PACSIN2: variants seen among roughly 807,000 people sequenced by gnomAD.
PACSIN2 encodes protein kinase C and casein kinase substrate in neurons 2.
PACSIN2 carries 25 observed loss-of-function variants against 63.8 expected under a neutral mutation model. The observed-to-expected ratio is 0.39, with a 90% CI of 0.29 to 0.55. The LOEUF is 0.55. Among genes scored for constraint, PACSIN2 ranks in the 20% least tolerant of loss-of-function variants. The pLI is 0.62. For synonymous variants in PACSIN2, 255 were observed against 256.2 expected (o/e 1.00, Z 0.05); for missense variants, 518 against 646.9 (o/e 0.80, Z 2.16).
chr22:42,984,952 G>A (rs776581686), intron 1 of PACSIN2, among the ~76,000 whole-genome samples: 2 of 152,218 alleles, frequency 1.3e-5, no homozygotes, highest in African/African-American at 2.4e-5. Flanking sequence ...AAACCCTAGA[G>A]ATGGATATAT....
At chr22:42,924,035 T>G (rs1368744168) in intron 1 of PACSIN2, among the ~76,000 whole-genome samples, 1 of 149,124 alleles carries the variant, frequency 6.7e-6, no homozygotes, top group African/African-American at 2.5e-5. Context: ...AAGCGAGACC[T>G]GGTCTCTTTA....
intron 1 of PACSIN2, among the ~76,000 whole-genome samples, chr22:42,928,455 A>C (rs184557613): frequency 1.3e-5 from 2 of 152,268 alleles, no homozygotes; most frequent in Non-Finnish European, 2.9e-5. Context: ...ATCAGAGTAC[A>C]GAAATCAGGT....
At chr22:42,880,179 G>T (rs1264713114) in intron 7 of PACSIN2, among the ~76,000 whole-genome samples, 1 of 152,190 alleles carries the variant, frequency 6.6e-6, no homozygotes, top group African/African-American at 2.4e-5. Context: ...GAACTTTTGG[G>T]TTGGAAGCCA....
intron 1 of PACSIN2, among the ~76,000 whole-genome samples, chr22:42,986,006 G>A (rs527433543): frequency 9.9e-5 from 15 of 151,982 alleles, no homozygotes; most frequent in Non-Finnish European, 2.1e-4. Context: ...TTCTTGATTG[G>A]GCCAATGCCC....
At chr22:42,923,913 A>G (rs1932364129) in intron 1 of PACSIN2, among the ~76,000 whole-genome samples, 3 of 152,084 alleles carry the variant, frequency 2.0e-5, no homozygotes, top group African/African-American at 7.2e-5. Flanking sequence ...GTGGTAGTGC[A>G]CGCCTGTACT....
intron 1 of PACSIN2, among the ~76,000 whole-genome samples, chr22:42,981,796 G>A (rs1470730401): frequency 5.5e-5 from 7 of 127,468 alleles, no homozygotes; most frequent in African/African-American, 1.5e-4. Context: ...CCCCCCGCCC[G>A]GCCAGCCGCC....
intron 6 of PACSIN2, among the ~76,000 whole-genome samples, chr22:42,883,679 GAAAT>G (rs1569216780): frequency 9.2e-5 from 14 of 152,236 alleles, no homozygotes; most frequent in Admixed American, 3.9e-4. Flanking sequence ...GACCAGCCCA[GAAAT>G]GCCAGATTCA....
chr22:42,876,465 G>C, intron 9 of PACSIN2, 132 bp from the exon 10 acceptor site: 1 of 695,682 alleles, frequency 1.4e-6, no homozygotes, highest in South Asian at 1.8e-5. Context: ...AGCACAGGTG[G>C]AGCCAGTGCT....
At chr22:42,896,311 G>A (rs999495287) in intron 2 of PACSIN2, among the ~76,000 whole-genome samples, 1 of 152,142 alleles carries the variant, frequency 6.6e-6, no homozygotes, top group Non-Finnish European at 1.5e-5. Context: ...ATGTTTCTGA[G>A]ACTGATCCAT....
At chr22:42,947,674 G>T (rs1232008253) in intron 1 of PACSIN2, among the ~76,000 whole-genome samples, 1 of 139,326 alleles carries the variant, frequency 7.2e-6, no homozygotes, top group African/African-American at 2.6e-5. Context: ...ACCCCTGGGG[G>T]TGGGGGGGGG....
rs117563155 is a variant in PACSIN2, at chr22:42,929,111, T to C, written c.-77-16954A>G. ...GGCTGCAAAGATCCTCCCTACTTCA[T>C]CAGATCCAGGCCTGACGGCCGCCCT... On this transcript the variant is annotated intron_variant, in intron 1 of 10. Coordinates refer to ENST00000263246, the MANE Select transcript of PACSIN2 (RefSeq NM_001184970.3). Among the ~76,000 whole-genome samples, 52 of 152,346 alleles carry C rather than the reference T, an allele frequency of 3.4e-4. 1 individual carries two copies. The East Asian group carries it at 9.1e-3, about 27-fold the overall frequency.
intron 1 of PACSIN2, among the ~76,000 whole-genome samples, chr22:42,913,507 G>C (rs1242417850): frequency 7.1e-6 from 1 of 140,538 alleles, no homozygotes; most frequent in African/African-American, 2.6e-5. Flanking sequence ...AAAAAAAAGA[G>C]AGACACTAAT....
chr22:42,986,122 A>C (rs941595074), intron 1 of PACSIN2, among the ~76,000 whole-genome samples: 1 of 152,218 alleles, frequency 6.6e-6, no homozygotes, highest in African/African-American at 2.4e-5. Flanking sequence ...ATTAACACAG[A>C]AACAGTAAGC....
At chr22:42,932,282 C>T (rs1044023662) in intron 1 of PACSIN2, among the ~76,000 whole-genome samples, 1 of 152,194 alleles carries the variant, frequency 6.6e-6, no homozygotes, top group African/African-American at 2.4e-5. Context: ...GGCCGGCTCC[C>T]CCTCACACCA....
At chr22:42,936,215 C>A (rs1365437049) in intron 1 of PACSIN2, among the ~76,000 whole-genome samples, 244 of 128,886 alleles carry the variant, frequency 1.9e-3, no homozygotes, top group Middle Eastern at 4.1e-3. Flanking sequence ...GACTCCGTCT[C>A]AAAAAAAAAA....
chr22:42,901,099 C>T (rs758498028), intron 2 of PACSIN2, among the ~76,000 whole-genome samples: 10 of 152,138 alleles, frequency 6.6e-5, no homozygotes, highest in Admixed American at 1.3e-4. Flanking sequence ...CTGATTTTAA[C>T]CTCAGGATGA....
intron 5 of PACSIN2, among the ~76,000 whole-genome samples, chr22:42,886,986 C>T (rs1929535637): frequency 6.6e-6 from 1 of 152,230 alleles, no homozygotes; most frequent in Admixed American, 6.5e-5. Flanking sequence ...GGCACGCCCC[C>T]GCCCAACATG....
Position 42,992,852 on chromosome 22 carries a change from A to G in PACSIN2, c.-78+22169T>C, listed in dbSNP as rs368841124. Among the ~76,000 whole-genome samples the G allele has an allele frequency of 3.3e-5, 5 of 152,368 alleles. No homozygotes were observed. The South Asian group carries it at 1.0e-3, about 32-fold the overall frequency. ...CTGAGTGAAAGAAGCCAGACTAAAAATAACACATACTGTAAAAAGAATATA... is the reference window on the plus strand; with the variant it reads ...CTGAGTGAAAGAAGCCAGACTAAAAGTAACACATACTGTAAAAAGAATATA... On this transcript the variant is annotated intron_variant, in intron 1 of 10. Transcript: ENST00000263246.
intron 3 of PACSIN2, 61 bp from the exon 4 acceptor site, chr22:42,891,243 T>C (rs1569229207): frequency 9.0e-7 from 1 of 1,113,058 alleles, no homozygotes; most frequent in Non-Finnish European, 1.3e-6. Context: ...TCTGCTCTGC[T>C]CACACCTCGG....
Sources: allele counts gnomAD v4.1 joint callset (sites outside exome capture counted in the v4.1 genomes callset), GRCh38; gene constraint gnomAD v4.1.1; transcripts MANE v1.5; gene names NCBI Gene and HGNC (gene_info 2026-07-23, HGNC 2026-07-21).